The following COL25A1 variants were observed in gnomAD, a reference collection of about 807,000 sequenced individuals.
The protein encoded by COL25A1 is collagen alpha-1(XXV) chain.
Under a neutral mutation model 128.4 loss-of-function variants are expected in COL25A1, and 103 were observed. That is an observed-to-expected ratio of 0.80 (90% CI 0.68 to 0.94). The LOEUF (loss-of-function observed/expected upper bound fraction) is 0.94, where lower values mean the gene tolerates loss of function less well. Ranked by LOEUF, COL25A1 falls within the 40% of genes least tolerant of loss-of-function variation. COL25A1 has a pLI of 0.00. For synonymous variants in COL25A1, 279 were observed against 277.2 expected, an observed-to-expected ratio of 1.01 and a Z score of -0.06; for missense variants, 745 against 840.0, an observed-to-expected ratio of 0.89 and a Z score of 1.40.
intron 3 of COL25A1, among the ~76,000 whole-genome samples, chr4:109,086,696 C>T (rs1764414298): frequency 6.6e-6 from 1 of 152,206 alleles, no homozygotes; most frequent in Admixed American, 6.5e-5. Context: ...GGGAATTGCT[C>T]TTTGACTATT....
chr4:108,844,488 C>T, intron 30 of COL25A1, 31 bp downstream of exon 30: 6 of 1,613,988 alleles, frequency 3.7e-6, no homozygotes, highest in Non-Finnish European at 5.1e-6. Context: ...CATAAATAAG[C>T]AATTACATTT....
intron 13 of COL25A1, among the ~76,000 whole-genome samples, chr4:108,912,437 T>C (rs1208953124): frequency 6.6e-6 from 1 of 152,192 alleles, no homozygotes; most frequent in South Asian, 2.1e-4. Context: ...CTTGAACTAC[T>C]AACTAATCTG....
intron 32 of COL25A1, among the ~76,000 whole-genome samples, chr4:108,828,514 C>CT (rs1578469265): frequency 2.6e-5 from 4 of 152,160 alleles, no homozygotes; most frequent in South Asian, 4.1e-4. Context: ...CACTTTCTCT[C>CT]TAAGTGCCTA....
intron 18 of COL25A1, among the ~76,000 whole-genome samples, chr4:108,885,544 G>T (rs1578656951): frequency 6.6e-6 from 1 of 152,102 alleles, no homozygotes; most frequent in East Asian, 1.9e-4. Flanking sequence ...TCCATTCAAA[G>T]AATGTCCAAG....
At chr4:109,044,088 AGT>A (rs142400635) in intron 5 of COL25A1, among the ~76,000 whole-genome samples, 6,949 of 149,420 alleles carry the variant, frequency 0.047, 362 homozygotes, top group African/African-American at 0.13. Flanking sequence ...CTCCTCTGAT[AGT>A]GTGTGTGTGT....
At chr4:109,020,579 A>G (rs1388177359) in intron 5 of COL25A1, among the ~76,000 whole-genome samples, 1 of 152,052 alleles carries the variant, frequency 6.6e-6, no homozygotes, top group African/African-American at 2.4e-5. Context: ...TTTGCTTTTC[A>G]TAAATATATA....
intron 3 of COL25A1, among the ~76,000 whole-genome samples, chr4:109,162,406 A>G (rs1772665223): frequency 6.6e-6 from 1 of 152,196 alleles, no homozygotes; most frequent in African/African-American, 2.4e-5. Context: ...AAGAGCGAAA[A>G]GAAGTGGTGA....
chr4:108,880,055 C>T (rs1011303612), intron 19 of COL25A1, among the ~76,000 whole-genome samples: 6 of 152,136 alleles, frequency 3.9e-5, no homozygotes, highest in African/African-American at 7.2e-5. Context: ...GTGATCCACC[C>T]GCCTTGGCCT....
At chr4:108,954,415 T>A (rs1283729027) in intron 8 of COL25A1, among the ~76,000 whole-genome samples, 1 of 152,108 alleles carries the variant, frequency 6.6e-6, no homozygotes, top group Non-Finnish European at 1.5e-5. Context: ...AAAAGTGATA[T>A]TTATTCGCAC....
At chr4:109,016,593 C>T (rs1235918929) in intron 5 of COL25A1, among the ~76,000 whole-genome samples, 2 of 152,242 alleles carry the variant, frequency 1.3e-5, no homozygotes, top group Admixed American at 6.5e-5. Context: ...CCATAAAAAC[C>T]CCAGACTCAA....
chr4:109,205,970 C>G (rs1776952134), intron 3 of COL25A1, among the ~76,000 whole-genome samples: 1 of 152,120 alleles, frequency 6.6e-6, no homozygotes, highest in Admixed American at 6.6e-5. Flanking sequence ...ACATCTGGTT[C>G]TGTTTCATAC....
At chr4:108,903,359 A>G (rs955385045) in intron 13 of COL25A1, among the ~76,000 whole-genome samples, 2 of 152,020 alleles carry the variant, frequency 1.3e-5, no homozygotes, top group Non-Finnish European at 2.9e-5. Context: ...AATTGTAAAC[A>G]TATTGCATAG....
At chr4:109,020,600 A>C (rs1757642784) in intron 5 of COL25A1, among the ~76,000 whole-genome samples, 1 of 152,144 alleles carries the variant, frequency 6.6e-6, no homozygotes. Flanking sequence ...ATTGTACTTA[A>C]AAATCTACTC....
chr4:108,954,798 T>A (rs6850560), intron 8 of COL25A1, among the ~76,000 whole-genome samples: 6,630 of 152,106 alleles, frequency 0.044, 369 homozygotes, highest in African/African-American at 0.13. Context: ...CATTATTTGC[T>A]GTTAAATAAA....
At chr4:109,242,898 T>C (rs1779993870) in intron 3 of COL25A1, among the ~76,000 whole-genome samples, 1 of 152,086 alleles carries the variant, frequency 6.6e-6, no homozygotes, top group Admixed American at 6.6e-5. Flanking sequence ...AGGTATCTTG[T>C]GTGTGTATAT....
intron 3 of COL25A1, among the ~76,000 whole-genome samples, chr4:109,233,479 T>C (rs1425425954): frequency 6.6e-6 from 1 of 151,066 alleles, no homozygotes; most frequent in East Asian, 1.9e-4. Context: ...TTTTTTTTCT[T>C]TCTTCTGACT....
intron 3 of COL25A1, among the ~76,000 whole-genome samples, chr4:109,050,419 G>A (rs1760878538): frequency 6.6e-6 from 1 of 152,046 alleles, no homozygotes; most frequent in Non-Finnish European, 1.5e-5. Context: ...GAAAACTAAC[G>A]ATTGGGAATT....
At chr4:109,129,931 G>C (rs1229559743) in intron 3 of COL25A1, among the ~76,000 whole-genome samples, 1 of 151,378 alleles carries the variant, frequency 6.6e-6, no homozygotes, top group African/African-American at 2.4e-5. Flanking sequence ...CAGCGCACCA[G>C]CATGGCACAT....
chr4:109,247,629 C>A (rs1291500298), intron 3 of COL25A1, among the ~76,000 whole-genome samples: 1 of 152,066 alleles, frequency 6.6e-6, no homozygotes, highest in Non-Finnish European at 1.5e-5. Context: ...ACTGAAAAAA[C>A]AGTAAATAGA....
Sources: allele counts gnomAD v4.1 joint callset (sites outside exome capture counted in the v4.1 genomes callset), GRCh38; gene constraint gnomAD v4.1.1; transcripts MANE v1.5; gene names NCBI Gene and HGNC (gene_info 2026-07-23, HGNC 2026-07-21).